CTNNA3: variants seen among roughly 807,000 people sequenced by gnomAD.
CTNNA3 encodes the protein catenin alpha-3.
In CTNNA3, 76 loss-of-function variants were observed where a neutral mutation model predicts 95.7. The observed-to-expected ratio is 0.79, with a 90% CI of 0.66 to 0.96. The LOEUF is 0.96. Among genes scored for constraint, CTNNA3 ranks in the 40% least tolerant of loss-of-function variants. CTNNA3 has a pLI of 0.00. For missense variants in CTNNA3, 1,191 were observed against 1,089.8 expected (o/e 1.09, Z -1.31); for synonymous variants, 431 against 374.4 (o/e 1.15, Z -1.74).
chr10:67,535,775 T>C (rs1405946369), intron 4 of CTNNA3, among the ~76,000 whole-genome samples: 4 of 151,844 alleles, frequency 2.6e-5, no homozygotes, highest in Non-Finnish European at 4.4e-5. Flanking sequence ...TTTCTTGTAA[T>C]AGCAAATTAG....
At position 66,069,330 on chromosome 10, in the gene CTNNA3, T is replaced by C. The variant is rs2080379706; in HGVS notation, c.2137A>G (p.Met713Val). ...TACCTAGTGAAGTCTGTCATCTCCA[T>C]CATGATCATACACATGTTCTTGGCC... ...VLAKNMCMIM[M>V]EMTDFTRGKG... Residue 713 changes from methionine (M) to valine (V), a missense_variant, in exon 15 of 18, where the codon ATG (methionine) becomes GTG (valine). By Grantham distance (21) the Met-to-Val change is conservative. Transcript: ENST00000433211. 1 of 1,613,520 alleles carries C rather than the reference T, an allele frequency of 6.2e-7. No individual in the cohort carries two copies. The highest frequency in any genetic ancestry group is 8.5e-7 in the Non-Finnish European group (1 of 1,179,636).
intron 9 of CTNNA3, among the ~76,000 whole-genome samples, chr10:66,694,425 C>T (rs1651570626): frequency 6.6e-6 from 1 of 152,144 alleles, no homozygotes; most frequent in Admixed American, 6.5e-5. Context: ...GAAGTTGAAT[C>T]TCTGAATACA....
intron 9 of CTNNA3, among the ~76,000 whole-genome samples, chr10:66,686,277 C>T (rs1394539342): frequency 6.9e-6 from 1 of 144,814 alleles, no homozygotes; most frequent in Non-Finnish European, 1.5e-5. Flanking sequence ...GCAGCCTGGG[C>T]AACATGGCGA....
At chr10:67,640,485 A>C (rs1458800911) in intron 2 of CTNNA3, among the ~76,000 whole-genome samples, 1 of 152,218 alleles carries the variant, frequency 6.6e-6, no homozygotes, top group Non-Finnish European at 1.5e-5. Flanking sequence ...GACTTTCTTC[A>C]CAGAATTGGG....
intron 11 of CTNNA3, among the ~76,000 whole-genome samples, chr10:66,431,288 A>G (rs1229618781): frequency 2.0e-5 from 3 of 152,142 alleles, no homozygotes; most frequent in African/African-American, 7.2e-5. Flanking sequence ...ACACTTTTAT[A>G]CTGTTGGTGG....
intron 11 of CTNNA3, among the ~76,000 whole-genome samples, chr10:66,505,208 A>T (rs1840409735): frequency 6.6e-6 from 1 of 152,342 alleles, no homozygotes; most frequent in South Asian, 2.1e-4. Context: ...CTGTTAGTAC[A>T]TGAAATGATG....
intron 11 of CTNNA3, among the ~76,000 whole-genome samples, chr10:66,465,038 A>G (rs1838853904): frequency 1.3e-5 from 2 of 152,280 alleles, no homozygotes; most frequent in South Asian, 2.1e-4. Flanking sequence ...ACATAGACAA[A>G]TGATAGCAAA....
intron 9 of CTNNA3, among the ~76,000 whole-genome samples, chr10:66,669,187 T>C (rs1846568392): frequency 6.6e-6 from 1 of 152,108 alleles, no homozygotes; most frequent in African/African-American, 2.4e-5. Flanking sequence ...TCAAGGCCTT[T>C]TTGTATAGCT....
At chr10:65,941,118 T>C (rs1444299281) in intron 17 of CTNNA3, among the ~76,000 whole-genome samples, 1 of 152,250 alleles carries the variant, frequency 6.6e-6, no homozygotes, top group African/African-American at 2.4e-5. Context: ...CAGTGCTTAT[T>C]ATGTGCTAGG....
chr10:66,346,318 C>T (rs1186573656), intron 12 of CTNNA3, among the ~76,000 whole-genome samples: 1 of 147,674 alleles, frequency 6.8e-6, no homozygotes, highest in African/African-American at 2.5e-5. Context: ...CTTGCCCTGT[C>T]ACCAGGCTGG....
chr10:66,589,767 T>C (rs1318626377), intron 10 of CTNNA3, among the ~76,000 whole-genome samples: 2 of 152,144 alleles, frequency 1.3e-5, no homozygotes, highest in Admixed American at 6.5e-5. Flanking sequence ...TTTGTTTCCA[T>C]TGCTTTTTCC....
At chr10:66,047,799 T>C (rs1028816345) in intron 15 of CTNNA3, among the ~76,000 whole-genome samples, 23 of 152,170 alleles carry the variant, frequency 1.5e-4, no homozygotes, top group African/African-American at 5.1e-4. Context: ...AAAATCAATG[T>C]ACAAAAATCG....
chr10:67,515,437 C>A (rs953583726), intron 5 of CTNNA3, among the ~76,000 whole-genome samples: 1 of 152,098 alleles, frequency 6.6e-6, no homozygotes, highest in African/African-American at 2.4e-5. Flanking sequence ...CAACTATGTA[C>A]AATTGAATAA....
chr10:66,243,239 C>T lies in CTNNA3; in HGVS notation c.1884+37231G>A, dbSNP rs188197607. 3.4e-3 allele frequency among the ~76,000 whole-genome samples: 512 copies of T among 152,260 alleles called. 4 individuals are homozygous for T. Among genetic ancestry groups the T allele is most frequent in the African/African-American group, 0.012 (490 of 41,554 alleles). ...TATTTTACCCTGAAATATATTTCTT[C>T]GATATATCTTTAAACAGCCCTGTAA... is the stretch of plus-strand genomic sequence containing the variant. On this transcript the variant is annotated intron_variant, in intron 13 of 17. Transcript: ENST00000433211.
chr10:66,448,994 T>C (rs72791538), intron 11 of CTNNA3, among the ~76,000 whole-genome samples: 10,885 of 152,070 alleles, frequency 0.072, 436 homozygotes, highest in East Asian at 0.11. Flanking sequence ...TTTGAAAGAT[T>C]TACTAGTTCA....
intron 13 of CTNNA3, among the ~76,000 whole-genome samples, chr10:66,184,983 G>C (rs1475403654): frequency 6.6e-6 from 1 of 152,198 alleles, no homozygotes; most frequent in Non-Finnish European, 1.5e-5. Context: ...CACTGGAAGA[G>C]TATTTTTGTA....
chr10:65,941,721 T>C (rs74140879), intron 17 of CTNNA3, among the ~76,000 whole-genome samples: 3,999 of 152,296 alleles, frequency 0.026, 159 homozygotes, highest in African/African-American at 0.091. Context: ...CTTGATTAAA[T>C]TGATTCTGAT....
chr10:66,535,928 C>T (rs2631215), intron 10 of CTNNA3, among the ~76,000 whole-genome samples: 99,796 of 151,944 alleles, frequency 0.66, 35,545 homozygotes, highest in Non-Finnish European at 0.8. Context: ...ATAAAGAACA[C>T]AAAATATATG....
chr10:67,250,149 T>C (rs1866050313), intron 5 of CTNNA3, among the ~76,000 whole-genome samples: 1 of 152,164 alleles, frequency 6.6e-6, no homozygotes, highest in South Asian at 2.1e-4. Flanking sequence ...CTTACACAGA[T>C]TTTTTTCAAC....
Sources: allele counts gnomAD v4.1 joint callset (sites outside exome capture counted in the v4.1 genomes callset), GRCh38; gene constraint gnomAD v4.1.1; transcripts MANE v1.5; gene names NCBI Gene and HGNC (gene_info 2026-07-23, HGNC 2026-07-21).